RCAN1: variants seen among roughly 807,000 people sequenced by gnomAD.
RCAN1 encodes regulator of calcineurin 1.
RCAN1 carries 11 observed loss-of-function variants against 22.9 expected under a neutral mutation model. The ratio of observed to expected loss-of-function variants is 0.48; its 90% CI spans 0.30 to 0.79. The LOEUF is 0.79. RCAN1 is among the 30% of genes least tolerant of loss of function. RCAN1 has a pLI of 0.06. For synonymous variants in RCAN1, 136 were observed against 142.3 expected (o/e 0.96, Z 0.32); for missense variants, 291 against 337.8 (o/e 0.86, Z 1.09).
At chr21:34,556,255 A>G (rs1359272232) in intron 1 of RCAN1, among the ~76,000 whole-genome samples, 1 of 150,564 alleles carries the variant, frequency 6.6e-6, no homozygotes, top group Non-Finnish European at 1.5e-5. Context: ...GAGAAACTCA[A>G]TCTCTACAAA....
chr21:34,584,370 T>C (rs1190227550), intron 1 of RCAN1, among the ~76,000 whole-genome samples: 1 of 152,210 alleles, frequency 6.6e-6, no homozygotes, highest in Admixed American at 6.5e-5. Flanking sequence ...AGTATTTCTC[T>C]TTTTGAATGT....
chr21:34,584,552 T>C (rs912880686), intron 1 of RCAN1, among the ~76,000 whole-genome samples: 3 of 152,232 alleles, frequency 2.0e-5, no homozygotes, highest in Non-Finnish European at 2.9e-5. Flanking sequence ...CTGACTGCAG[T>C]GGAAAATTAC....
At chr21:34,522,680 A>G (rs1314655666) in intron 2 of RCAN1, 1 of 115,562 alleles carries the variant, frequency 8.7e-6, no homozygotes, top group Admixed American at 1.3e-4. Flanking sequence ...GCCTTTGGAC[A>G]GGGTCCTCTC....
intron 1 of RCAN1, among the ~76,000 whole-genome samples, chr21:34,563,167 A>C (rs1986857240): frequency 6.6e-6 from 1 of 152,222 alleles, no homozygotes; most frequent in Admixed American, 6.5e-5. Flanking sequence ...CAGTTCTCTC[A>C]CTTTAGCCAC....
chr21:34,545,358 G>C (rs1051865317), intron 1 of RCAN1, among the ~76,000 whole-genome samples: 1 of 152,226 alleles, frequency 6.6e-6, no homozygotes, highest in Non-Finnish European at 1.5e-5. Context: ...GGCTTTGCTA[G>C]TACAGTGCCT....
intron 1 of RCAN1, among the ~76,000 whole-genome samples, chr21:34,536,551 C>T (rs919794272): frequency 1.3e-5 from 2 of 152,160 alleles, no homozygotes; most frequent in African/African-American, 4.8e-5. Flanking sequence ...ATTCTACTTT[C>T]CAGGGTTAAT....
intron 1 of RCAN1, among the ~76,000 whole-genome samples, chr21:34,583,009 T>C (rs1987669193): frequency 6.6e-6 from 1 of 152,086 alleles, no homozygotes; most frequent in Admixed American, 6.5e-5. Flanking sequence ...AACAACAGTG[T>C]TGGCTAATAA....
chr21:34,537,117 A>G (rs199704400), intron 1 of RCAN1, among the ~76,000 whole-genome samples: 172 of 152,354 alleles, frequency 1.1e-3, no homozygotes, highest in East Asian at 2.3e-3. Context: ...GTCACCAATG[A>G]TTCAAAACAT....
At chr21:34,584,878 C>T (rs7278420) in intron 1 of RCAN1, among the ~76,000 whole-genome samples, 1 of 152,108 alleles carries the variant, frequency 6.6e-6, no homozygotes, top group African/African-American at 2.4e-5. Context: ...ACTAACCACC[C>T]GTCCTTAATC....
intron 1 of RCAN1, among the ~76,000 whole-genome samples, chr21:34,537,059 C>T (rs1157738353): frequency 1.3e-5 from 2 of 152,186 alleles, no homozygotes; most frequent in Non-Finnish European, 2.9e-5. Context: ...GACTTAAAAG[C>T]CTGATAACAA....
At chr21:34,567,918 C>T (rs1191299555) in intron 1 of RCAN1, among the ~76,000 whole-genome samples, 1 of 152,164 alleles carries the variant, frequency 6.6e-6, no homozygotes, top group African/African-American at 2.4e-5. Context: ...ATAGATATTT[C>T]CCTATGTTCC....
chr21:34,525,324 T>A (rs2123587904), intron 1 of RCAN1: 1 of 1,529,132 alleles, frequency 6.5e-7, no homozygotes, highest in East Asian at 2.5e-5. Flanking sequence ...CGGCTTTTCT[T>A]CAGTTTAGGG....
intron 1 of RCAN1, among the ~76,000 whole-genome samples, chr21:34,591,453 G>A (rs1987969865): frequency 6.6e-6 from 1 of 152,168 alleles, no homozygotes; most frequent in African/African-American, 2.4e-5. Flanking sequence ...GAGAAGGCAA[G>A]CATGGGCCCT....
intron 1 of RCAN1, among the ~76,000 whole-genome samples, chr21:34,589,459 G>C (rs74809080): frequency 0.042 from 6,444 of 152,270 alleles, 436 homozygotes; most frequent in African/African-American, 0.14. Context: ...TCCTGGAAAA[G>C]GACATGATCG....
In RCAN1 at chr21:34,592,855, T is replaced by G. The variant is rs1988020332; in HGVS notation, c.252+21905A>C. Among the ~76,000 whole-genome samples the G allele has an allele frequency of 2.0e-5, 3 of 152,180 alleles. No individual in the cohort carries two copies. The South Asian group carries it at 6.2e-4, about 32-fold the overall frequency. The stretch of plus-strand genomic sequence containing the variant: ...ATCTACAACTACAGGAAAACCTCAA[T>G]GGCTTTACTTAATTGGAGCACCAGG... On this transcript the variant is annotated intron_variant, in intron 1 of 3. Coordinates refer to ENST00000313806, the MANE Select transcript of RCAN1 (RefSeq NM_004414.7).
In RCAN1 at chr21:34,521,353, G is replaced by C. The variant is rs770153707; in HGVS notation, c.586+146C>G. On this transcript the variant is annotated intron_variant, in intron 3 of 3. Transcript: ENST00000313806. ...CAGGCATGCTCCCAGCACAAGGGACGGTGGCGCAGAAGAATACAGAGAAGC... is the reference window on the plus strand; with the variant it reads ...CAGGCATGCTCCCAGCACAAGGGACCGTGGCGCAGAAGAATACAGAGAAGC... 3.5e-5 allele frequency: 53 copies of C among 1,524,760 alleles called. No homozygotes were observed. In the African/African-American group the frequency reaches 6.7e-4, roughly 19 times the overall value. 94.5% of individuals were successfully genotyped at this position (1,524,760 alleles called of 1,614,324 possible).
intron 1 of RCAN1, among the ~76,000 whole-genome samples, chr21:34,557,444 A>G (rs2123657707): frequency 6.6e-6 from 1 of 152,278 alleles, no homozygotes; most frequent in East Asian, 1.9e-4. Context: ...AGGCTGGTGC[A>G]GGTCACGTGA....
chr21:34,535,299 C>A (rs2834508), intron 1 of RCAN1, among the ~76,000 whole-genome samples: 55,344 of 151,932 alleles, frequency 0.36, 11,206 homozygotes, highest in African/African-American at 0.56. Context: ...ACTTTTAGGG[C>A]AATCAGGAAA....
intron 1 of RCAN1, among the ~76,000 whole-genome samples, chr21:34,525,838 T>C (rs1390093921): frequency 1.3e-5 from 2 of 152,222 alleles, no homozygotes; most frequent in Non-Finnish European, 2.9e-5. Flanking sequence ...CTCTGCAATC[T>C]AGTCCAAACA....
Sources: allele counts gnomAD v4.1 joint callset (sites outside exome capture counted in the v4.1 genomes callset), GRCh38; gene constraint gnomAD v4.1.1; transcripts MANE v1.5; gene names NCBI Gene and HGNC (gene_info 2026-07-23, HGNC 2026-07-21).